Variants in TCEA2 observed in about 807,000 individuals in gnomAD.
The protein encoded by TCEA2 is transcription elongation factor A protein 2.
Under a neutral mutation model 40.8 loss-of-function variants are expected in TCEA2, and 21 were observed. The ratio of observed to expected loss-of-function variants is 0.51; its 90% confidence interval spans 0.36 to 0.74. The LOEUF is 0.74. Among genes scored for constraint, TCEA2 ranks in the 30% least tolerant of loss-of-function variants. TCEA2 has a pLI of 0.00. For missense variants in TCEA2, 326 were observed against 426.5 expected (o/e 0.76, Z 2.08); for synonymous variants, 165 against 162.7 (o/e 1.01, Z -0.11).
At chr20:64,071,981 C>T in intron 9 of TCEA2, 40 bp downstream of exon 9, 1 of 1,612,564 alleles carries the variant, frequency 6.2e-7, no homozygotes, top group Non-Finnish European at 8.5e-7. Context: ...CAGCTCCATT[C>T]TCTGGAGGTG....
upstream of TCEA2, chr20:64,063,176 T>G: frequency 4.0e-6 from 3 of 742,142 alleles, no homozygotes; most frequent in Non-Finnish European, 5.4e-6. Context: ...GGCCGAGGGT[T>G]TGAACCGGGG....
At position 64,063,222 on chromosome 20, in the gene TCEA2, C is replaced by A; in HGVS notation, c.-91C>A. 3 of 1,132,248 alleles carry A rather than the reference C, an allele frequency of 2.6e-6. No individual in the cohort carries two copies. The highest frequency in any genetic ancestry group is 2.8e-5 in the South Asian group (1 of 35,570). The allele number at this position is 1,132,248 out of a possible 1,614,324, so 70.1% of individuals were successfully genotyped here. A position where few individuals can be genotyped will look rare whatever the true frequency, so the allele number is the denominator to read the frequency against. On this transcript the variant is annotated 5_prime_UTR_variant, in exon 1 of 10. Coordinates refer to ENST00000343484, the MANE Select transcript of TCEA2 (RefSeq NM_003195.6). ...CGCGGCGGGGCTGCGTCGGCTGCGG[C>A]GGGTGTGGGAGGTGGCGACGGCCGG...
At chr20:64,061,718 GTC>G (rs536615586), upstream of TCEA2, among the ~76,000 whole-genome samples, 11 of 151,650 alleles carry the variant, frequency 7.3e-5, no homozygotes, top group Non-Finnish European at 8.8e-5. Context: ...ACCAAGATGA[GTC>G]TCTCTCTCTC....
upstream of TCEA2, chr20:64,062,569 T>C (rs2059587196): frequency 6.6e-6 from 1 of 152,288 alleles, no homozygotes; most frequent in Non-Finnish European, 1.5e-5. Context: ...TAGCTGACTT[T>C]GCAGGCAGGG....
intron 3 of TCEA2, 122 bp from the exon 4 acceptor site, chr20:64,067,925 G>A: frequency 1.4e-6 from 1 of 711,386 alleles, no homozygotes; most frequent in Non-Finnish European, 2.2e-6. Context: ...GTGAGGGGCT[G>A]GGGGCGGGGG....
Position 64,066,927 on chromosome 20 carries a change from G to C in TCEA2, c.148G>C (p.Gly50Arg). The change falls in exon 3 of 10, where the codon GGG (glycine) becomes CGG (arginine). Residue 50 changes from glycine (G) to arginine (R), a missense_variant. Physicochemically the swap from Gly to Arg is moderately radical, Grantham distance 125 (BLOSUM62 -2). Transcript: ENST00000343484. ...ACTTGCCTCGTAGTCCACCCGAGTC[G>C]GGATGTCTGTCAACGCCCTTCGGAA... ...TLHLLQSTRV[G>R]MSVNALRKQS... is the part of the protein sequence containing the mutation. 1 of 1,613,926 alleles carries C rather than the reference G, an allele frequency of 6.2e-7. No homozygotes were observed. Among genetic ancestry groups the C allele is most frequent in the Non-Finnish European group, 8.5e-7 (1 of 1,179,928 alleles).
chr20:64,071,052 G>C (rs79822033), intron 8 of TCEA2, among the ~76,000 whole-genome samples: 1,826 of 152,308 alleles, frequency 0.012, 34 homozygotes, highest in African/African-American at 0.042. Context: ...CAGGGACCCT[G>C]TTAAGAGGGG....
At chr20:64,068,219 C>A in intron 4 of TCEA2, 85 bp downstream of exon 4, 1 of 1,212,000 alleles carries the variant, frequency 8.3e-7, no homozygotes, top group Non-Finnish European at 1.2e-6. Context: ...CTCCATGTGC[C>A]TAGGCACTGC....
chr20:64,060,087 A>C (rs2059532975), upstream of TCEA2, among the ~76,000 whole-genome samples: 1 of 151,784 alleles, frequency 6.6e-6, no homozygotes, highest in South Asian at 2.1e-4. Context: ...TGGGACGTTG[A>C]CCCTCTCTCC....
At chr20:64,066,813 T>G in intron 2 of TCEA2, 102 bp from the exon 3 acceptor site, 1 of 1,192,704 alleles carries the variant, frequency 8.4e-7, no homozygotes, top group Non-Finnish European at 1.2e-6. Flanking sequence ...CCCTGGGAGG[T>G]CCCGGGCTCC....
upstream of TCEA2, chr20:64,057,287 G>A (rs1433767933): frequency 6.6e-6 from 1 of 152,270 alleles, no homozygotes; most frequent in Non-Finnish European, 1.5e-5. Flanking sequence ...ATTTCCGCCT[G>A]TTCTCAGGGT....
intron 6 of TCEA2, 91 bp from the exon 7 acceptor site, chr20:64,070,169 C>CAGCCCCCACCCCAACAT: frequency 6.4e-7 from 1 of 1,565,074 alleles, no homozygotes; most frequent in Non-Finnish European, 8.7e-7. Flanking sequence ...AGAACCTTTC[C>CAGCCCCCACCCCAACAT]AGCCCCCACC....
chr20:64,068,914 G>A (rs1448647025), intron 4 of TCEA2, among the ~76,000 whole-genome samples: 1 of 152,250 alleles, frequency 6.6e-6, no homozygotes, highest in Admixed American at 6.5e-5. Flanking sequence ...GGGCGGCCCC[G>A]CCTTGTCTCC....
chr20:64,066,511 C>G lies in TCEA2; in HGVS notation c.108C>G (p.Ala36=), dbSNP rs1218496594. 4 of 1,613,878 alleles carry G rather than the reference C, an allele frequency of 2.5e-6. No homozygotes were observed. Among genetic ancestry groups the G allele is most frequent in the Non-Finnish European group, 3.4e-6 (4 of 1,179,890 alleles). ...TGGATTTGCTGCGGGAGCTGAAGGC[C>G]ATGCCTATCACGCTGCACCTGCTCC... The part of the protein sequence containing the change: ...GAMDLLRELK[A]MPITLHLLQS... The change falls in exon 2 of 10, where the codon GCC becomes GCG. Residue 36 remains alanine (A), a synonymous_variant. Coordinates refer to ENST00000343484, the MANE Select transcript of TCEA2 (RefSeq NM_003195.6).
In TCEA2 at chr20:64,069,358, C is replaced by T; in HGVS notation, c.330-3C>T. Reference sequence around the variant, plus strand: ...GAACCCAGCTGGCCCTGGCTCTCTGCAGCCGCAAGAGGCCGGAGCTGCCCA... The same window carrying T: ...GAACCCAGCTGGCCCTGGCTCTCTGTAGCCGCAAGAGGCCGGAGCTGCCCA... On this transcript the variant is annotated splice_polypyrimidine_tract_variant and splice_region_variant and intron_variant, in intron 4 of 9. Coordinates refer to ENST00000343484, the MANE Select transcript of TCEA2 (RefSeq NM_003195.6). 6.3e-7 allele frequency: 1 copy of T among 1,575,886 alleles called. No individual in the cohort carries two copies. The highest frequency in any genetic ancestry group is 8.6e-7 in the Non-Finnish European group (1 of 1,160,184).
chr20:64,067,048 G>C lies in TCEA2; in HGVS notation c.241+28G>C, dbSNP rs781496542. The C allele has an allele frequency of 1.9e-6, 3 of 1,586,276 alleles. No homozygotes were observed. The African/African-American group carries it at 4.1e-5, about 21-fold the overall frequency. On this transcript the variant is annotated intron_variant, in intron 3 of 9. Transcript: ENST00000343484. ...GCGGCTCAGGCGGTGCCCACTGAGT[G>C]CTGGGGCAGGGGTCCCAGAAGTGCT... is the stretch of plus-strand genomic sequence containing the variant.
At chr20:64,063,758 G>A (rs2059622974) in intron 1 of TCEA2, 1 of 234,692 alleles carries the variant, frequency 4.3e-6, no homozygotes, top group African/African-American at 2.3e-5. Context: ...CCCGCCTCTC[G>A]GAGCCCCCGG....
At position 64,072,249 on chromosome 20, in the gene TCEA2, T is replaced by C; in HGVS notation, c.*69T>C. 2.6e-6 allele frequency: 4 copies of C among 1,567,438 alleles called. No individual in the cohort carries two copies. Among genetic ancestry groups the C allele is most frequent in the Non-Finnish European group, 3.5e-6 (4 of 1,145,988 alleles). ...ACGTCCTCCGTTGACACAGCTTCTCTGGAGACCCTAGAAGGCGGCATGTCC... is the reference window on the plus strand; with the variant it reads ...ACGTCCTCCGTTGACACAGCTTCTCCGGAGACCCTAGAAGGCGGCATGTCC... On this transcript the variant is annotated 3_prime_UTR_variant, in exon 10 of 10. Transcript: ENST00000343484.
At chr20:64,065,512 T>C (rs1428426165) in intron 1 of TCEA2, 1 of 138,644 alleles carries the variant, frequency 7.2e-6, no homozygotes, top group Non-Finnish European at 1.6e-5. Context: ...TGAGAAGGTG[T>C]TGTTGAAATA....
Sources: gnomAD v4.1 joint callset for allele counts (sites outside exome capture counted in the v4.1 genomes callset) on GRCh38, gnomAD v4.1.1 for gene constraint, MANE v1.5 for transcripts, NCBI Gene and HGNC (gene_info 2026-07-23, HGNC 2026-07-21) for gene names.